PAWR: variants seen among roughly 807,000 people sequenced by gnomAD.
PAWR encodes pro-apoptotic WT1 regulator, also known as PRKC apoptosis WT1 regulator protein.
A neutral mutation model predicts 32.0 loss-of-function variants in PAWR; 23 were observed. That is an observed-to-expected ratio of 0.72 (90% CI 0.52 to 1.02). The LOEUF (loss-of-function observed/expected upper bound fraction) is 1.02, where lower values mean the gene tolerates loss of function less well. PAWR is among the 50% of genes least tolerant of loss of function. The pLI is 0.00. For synonymous variants in PAWR, 226 were observed against 187.1 expected, an observed-to-expected ratio of 1.21 and a Z score of -1.70; for missense variants, 457 against 437.7, an observed-to-expected ratio of 1.04 and a Z score of -0.39.
At chr12:79,602,765 G>A (rs1874012759) in intron 4 of PAWR, among the ~76,000 whole-genome samples, 1 of 151,226 alleles carries the variant, frequency 6.6e-6, no homozygotes, top group Non-Finnish European at 1.5e-5. Flanking sequence ...CACCATACCT[G>A]GCTAATTTTT....
At chr12:79,610,632 A>C (rs570817417) in intron 4 of PAWR, among the ~76,000 whole-genome samples, 1 of 152,120 alleles carries the variant, frequency 6.6e-6, no homozygotes, top group East Asian at 1.9e-4. Flanking sequence ...GAGGAGTAAA[A>C]TTACACATTG....
intron 2 of PAWR, among the ~76,000 whole-genome samples, chr12:79,657,788 C>T (rs1193294090): frequency 1.3e-5 from 2 of 149,622 alleles, no homozygotes; most frequent in Non-Finnish European, 3.0e-5. Flanking sequence ...AGCGAGACTC[C>T]GTCTCAAAAA....
rs184008386 is a variant in PAWR, at chr12:79,672,682, C to T, written c.516+17047G>A. On this transcript the variant is annotated intron_variant, in intron 2 of 6. Coordinates refer to ENST00000328827, the MANE Select transcript of PAWR (RefSeq NM_002583.4). ...TTGTGTGTATTAGATCACATCCATA[C>T]CCCTCAACGAGAATCAGTTTTATTA... is the stretch of plus-strand genomic sequence containing the variant. Among the ~76,000 whole-genome samples the T allele has an allele frequency of 5.3e-5, 8 of 151,924 alleles. No homozygotes were observed. The East Asian group carries it at 1.2e-3, about 22-fold the overall frequency.
At chr12:79,624,812 C>T (rs923839508) in intron 2 of PAWR, among the ~76,000 whole-genome samples, 1 of 152,114 alleles carries the variant, frequency 6.6e-6, no homozygotes, top group Non-Finnish European at 1.5e-5. Flanking sequence ...GATGTACCTA[C>T]CATATTTTAA....
intron 2 of PAWR, among the ~76,000 whole-genome samples, chr12:79,689,222 C>T (rs1194333928): frequency 6.6e-6 from 1 of 152,222 alleles, no homozygotes; most frequent in Non-Finnish European, 1.5e-5. Context: ...ATATACTCAT[C>T]TTGAGCTCAC....
At chr12:79,605,555 T>C (rs981341621) in intron 4 of PAWR, among the ~76,000 whole-genome samples, 35 of 151,780 alleles carry the variant, frequency 2.3e-4, no homozygotes, top group African/African-American at 7.5e-4. Flanking sequence ...AACTAAGCAA[T>C]ATGAAAAATT....
chr12:79,645,731 CATT>C (rs1487055714), intron 2 of PAWR, among the ~76,000 whole-genome samples: 2 of 152,166 alleles, frequency 1.3e-5, no homozygotes, highest in African/African-American at 4.8e-5. Context: ...TCAATGATAA[CATT>C]ATTAATATTA....
chr12:79,664,482 T>G (rs540704890), intron 2 of PAWR, among the ~76,000 whole-genome samples: 1 of 152,366 alleles, frequency 6.6e-6, no homozygotes, highest in East Asian at 1.9e-4. Flanking sequence ...ATACTAAACC[T>G]ATATTTACTG....
chr12:79,678,982 A>G lies in PAWR; in HGVS notation c.516+10747T>C, dbSNP rs569282733. On this transcript the variant is annotated intron_variant, in intron 2 of 6. Coordinates refer to ENST00000328827, the MANE Select transcript of PAWR (RefSeq NM_002583.4). The stretch of plus-strand genomic sequence containing the variant: ...GCATTATCATAGCTAACGGCAGCCT[A>G]AAATTCCTGGGCTCAAGCAATCCTC... Among the ~76,000 whole-genome samples, 5 of 151,528 alleles carry G rather than the reference A, an allele frequency of 3.3e-5. No homozygotes were observed. The South Asian group carries it at 1.0e-3, about 32-fold the overall frequency.
intron 2 of PAWR, among the ~76,000 whole-genome samples, chr12:79,628,855 G>C (rs1875470448): frequency 6.6e-6 from 1 of 152,020 alleles, no homozygotes; most frequent in African/African-American, 2.4e-5. Flanking sequence ...AAAATGTATG[G>C]CAATGGCACA....
At chr12:79,612,382 T>C (rs1314599680) in intron 4 of PAWR, among the ~76,000 whole-genome samples, 1 of 152,184 alleles carries the variant, frequency 6.6e-6, no homozygotes, top group African/African-American at 2.4e-5. Context: ...TTTTATATAA[T>C]ATTGGTTAAT....
intron 2 of PAWR, among the ~76,000 whole-genome samples, chr12:79,641,861 A>G: frequency 6.7e-6 from 1 of 150,084 alleles, no homozygotes; most frequent in Admixed American, 6.6e-5. Flanking sequence ...AAAAAAAAAA[A>G]AAAAAAAAAA....
intron 2 of PAWR, among the ~76,000 whole-genome samples, chr12:79,686,177 T>G (rs1878671421): frequency 6.6e-6 from 1 of 152,182 alleles, no homozygotes; most frequent in Non-Finnish European, 1.5e-5. Context: ...ATTCAAAGAT[T>G]ACATTTTCTA....
chr12:79,607,198 T>G (rs890405539), intron 4 of PAWR, among the ~76,000 whole-genome samples: 8 of 151,934 alleles, frequency 5.3e-5, no homozygotes, highest in Admixed American at 5.2e-4. Context: ...CTGAGGCAGA[T>G]GGATCACTTG....
At chr12:79,690,804 G>T (rs1028689528) in intron 1 of PAWR, 68 bp downstream of exon 1, 1 of 152,314 alleles carries the variant, frequency 6.6e-6, no homozygotes, top group Admixed American at 6.5e-5. Context: ...TAGCCGGTTC[G>T]CAGAGGAGGC....
intron 2 of PAWR, among the ~76,000 whole-genome samples, chr12:79,688,632 C>A (rs1191683448): frequency 6.6e-6 from 1 of 152,020 alleles, no homozygotes; most frequent in Non-Finnish European, 1.5e-5. Flanking sequence ...ATACGTCCTA[C>A]AAAGACACAC....
At chr12:79,650,161 T>C (rs1444108766) in intron 2 of PAWR, among the ~76,000 whole-genome samples, 1 of 152,232 alleles carries the variant, frequency 6.6e-6, no homozygotes, top group Non-Finnish European at 1.5e-5. Context: ...ATCCATAAGA[T>C]AATGTAGTGT....
At chr12:79,630,937 CA>C (rs1360997569) in intron 2 of PAWR, among the ~76,000 whole-genome samples, 1 of 151,120 alleles carries the variant, frequency 6.6e-6, no homozygotes, top group Admixed American at 6.6e-5. Flanking sequence ...AAGGCCTTTG[CA>C]AAATTTTAGC....
In PAWR at chr12:79,588,315, G is replaced by A. The variant is rs1873445716; in HGVS notation, c.*4292C>T. The A allele has an allele frequency of 6.6e-6, 1 of 151,904 alleles. No individual in the cohort carries two copies. Among genetic ancestry groups the A allele is most frequent in the Non-Finnish European group, 1.5e-5 (1 of 67,830 alleles). The allele number at this position is 151,904 out of a possible 1,614,324, so 9.4% of individuals were successfully genotyped here. A position where few individuals can be genotyped will look rare whatever the true frequency, so the allele number is the denominator to read the frequency against. ...ATATATACAGAAATACTAACTTGAA[G>A]TCACATTTAAATACCATCAACAGTT... On this transcript the variant is annotated 3_prime_UTR_variant, in exon 7 of 7. Transcript: ENST00000328827.
Sources: gnomAD v4.1 joint callset for allele counts (sites outside exome capture counted in the v4.1 genomes callset) on GRCh38, gnomAD v4.1.1 for gene constraint, MANE v1.5 for transcripts, NCBI Gene and HGNC (gene_info 2026-07-23, HGNC 2026-07-21) for gene names.